The following BNIP2 variants were observed in gnomAD, a reference collection of about 807,000 sequenced individuals.
BNIP2 encodes BCL2/adenovirus E1B 19 kDa protein-interacting protein 2.
A neutral mutation model predicts 43.4 loss-of-function variants in BNIP2; 36 were observed. The ratio of observed to expected loss-of-function variants is 0.83; its 90% CI spans 0.64 to 1.10. The LOEUF (loss-of-function observed/expected upper bound fraction) is 1.10, where lower values mean the gene tolerates loss of function less well. Ranked by LOEUF, BNIP2 falls within the 50% of genes least tolerant of loss-of-function variation. The probability of loss-of-function intolerance (pLI) is 0.00; values close to 1 mark genes in which losing one functional copy is unlikely to be tolerated. For synonymous variants in BNIP2, 146 were observed against 121.0 expected, an observed-to-expected ratio of 1.21 and a Z score of -1.35; for missense variants, 417 against 374.1, an observed-to-expected ratio of 1.11 and a Z score of -0.95.
chr15:59,675,803 G>C (rs1390479822), intron 5 of BNIP2, among the ~76,000 whole-genome samples: 1 of 152,172 alleles, frequency 6.6e-6, no homozygotes, highest in Non-Finnish European at 1.5e-5. Flanking sequence ...ATGTACTGTG[G>C]ATACGTGCAA....
chr15:59,679,184 T>C (rs2142010352), intron 4 of BNIP2: 1 of 181,734 alleles, frequency 5.5e-6, no homozygotes, highest in South Asian at 9.9e-5. Flanking sequence ...GGGCTAAAAG[T>C]ATACATTAAT....
intron 5 of BNIP2, among the ~76,000 whole-genome samples, chr15:59,673,930 G>C (rs148904813): frequency 6.6e-6 from 1 of 151,682 alleles, no homozygotes; most frequent in Non-Finnish European, 1.5e-5. Flanking sequence ...CTCTACTAAA[G>C]ATATAAACAA....
intron 6 of BNIP2, among the ~76,000 whole-genome samples, 168 bp downstream of exon 6, chr15:59,672,469 G>T (rs151090751): frequency 4.4e-4 from 67 of 152,242 alleles, no homozygotes; most frequent in Non-Finnish European, 8.5e-4. Context: ...AAAGAGCTTT[G>T]TCATATCGCC....
At chr15:59,673,908 G>A (rs1468559571) in intron 5 of BNIP2, among the ~76,000 whole-genome samples, 1 of 151,910 alleles carries the variant, frequency 6.6e-6, no homozygotes, top group Non-Finnish European at 1.5e-5. Flanking sequence ...GGCCAACATG[G>A]CGAAACCCCA....
At chr15:59,688,310 C>T (rs937139848) in intron 1 of BNIP2, among the ~76,000 whole-genome samples, 1 of 151,976 alleles carries the variant, frequency 6.6e-6, no homozygotes, top group Non-Finnish European at 1.5e-5. Flanking sequence ...TGCAGAGATT[C>T]CTATAAAATG....
chr15:59,676,498 T>G (rs945988462), intron 5 of BNIP2, among the ~76,000 whole-genome samples: 10 of 152,174 alleles, frequency 6.6e-5, no homozygotes, highest in Non-Finnish European at 1.3e-4. Context: ...CTGACAGTTT[T>G]CACTACAAAT....
intron 1 of BNIP2, chr15:59,688,875 C>A: frequency 6.7e-7 from 1 of 1,489,482 alleles, no homozygotes; most frequent in Non-Finnish European, 8.9e-7. Flanking sequence ...AGCACAACTA[C>A]CAGAAACGGA....
rs138402905 is a variant in BNIP2 at position 59,674,794 on chromosome 15, CTTCT to C, written c.473-2059_473-2056del. 9.9e-4 allele frequency among the ~76,000 whole-genome samples: 150 copies of C among 152,270 alleles called. 1 individual carries two copies. Among genetic ancestry groups the C allele is most frequent in the African/African-American group, 3.4e-3 (140 of 41,538 alleles). On this transcript the variant is annotated intron_variant, in intron 5 of 9. Transcript: ENST00000607373. The stretch of plus-strand genomic sequence containing the variant: ...ACTATTTACAATGTGCCTAGGTTAA[CTTCT>C]ATATATGGTACTGTTAGATTGAAAG...
rs1468755667 is a variant in BNIP2 at position 59,660,537 on chromosome 15, T to C, written c.*3532A>G. The C allele has an allele frequency of 6.6e-6, 1 of 152,230 alleles. No homozygotes were observed. Among genetic ancestry groups the C allele is most frequent in the Non-Finnish European group, 1.5e-5 (1 of 68,040 alleles). The allele number at this position is 152,230 out of a possible 1,614,324, so 9.4% of individuals were successfully genotyped here. A position where few individuals can be genotyped will look rare whatever the true frequency, so the allele number is the denominator to read the frequency against. On this transcript the variant is annotated 3_prime_UTR_variant, in exon 10 of 10. Transcript: ENST00000607373. The stretch of plus-strand genomic sequence containing the variant: ...TTGAAGAAATATAAAAAGCCACTTC[T>C]GTATAAAACACATGTCCAAATTCCC...
At chr15:59,673,856 G>C (rs751888106) in intron 5 of BNIP2, among the ~76,000 whole-genome samples, 4 of 152,096 alleles carry the variant, frequency 2.6e-5, no homozygotes, top group Non-Finnish European at 4.4e-5. Context: ...GGGAGGCTGA[G>C]GTGGGCAGAT....
In BNIP2 at chr15:59,679,647, A is replaced by C. The variant is rs761300797; in HGVS notation, c.240T>G (p.Ile80Met). ...LSDDLDESGE[I>M]DLDGLDTPSE... ...ACGGTGTGTCTAAGCCATCTAAGTC[A>C]ATCTCCCCACTTTCATCCAAATCAT... Residue 80 changes from isoleucine to methionine, a missense_variant, in exon 4 of 10, where the codon ATT (isoleucine) becomes ATG (methionine). Coordinates refer to ENST00000607373, the MANE Select transcript of BNIP2 (RefSeq NM_004330.4). The C allele has an allele frequency of 2.1e-5, 34 of 1,613,136 alleles. No homozygotes were observed. In the South Asian group the frequency reaches 3.3e-4, roughly 16 times the overall value.
At chr15:59,689,051 C>T in intron 1 of BNIP2, 84 bp downstream of exon 1, 1 of 1,462,584 alleles carries the variant, frequency 6.8e-7, no homozygotes, top group Non-Finnish European at 9.0e-7. Context: ...GTCGTGGGCA[C>T]GCGCCCGACA....
chr15:59,672,784 TTA>T lies in BNIP2; in HGVS notation c.473-47_473-46del. ...CAGTATCACCAGCACGATTTTACTC[TTA>T]GGCATTTTTAGAAGACATCTGTATG... On this transcript the variant is annotated intron_variant, in intron 5 of 9. Coordinates refer to ENST00000607373, the MANE Select transcript of BNIP2 (RefSeq NM_004330.4). The T allele has an allele frequency of 2.1e-6, 3 of 1,402,812 alleles. No homozygotes were observed. The East Asian group carries it at 6.9e-5, about 32-fold the overall frequency. 86.9% of individuals were successfully genotyped at this position (1,402,812 alleles called of 1,614,324 possible).
chr15:59,675,272 A>G (rs2142003163), intron 5 of BNIP2, among the ~76,000 whole-genome samples: 1 of 149,932 alleles, frequency 6.7e-6, no homozygotes, highest in South Asian at 2.1e-4. Context: ...AGAAAAAAAA[A>G]TTTGTTCACG....
chr15:59,671,447 AT>A, intron 6 of BNIP2, 133 bp from the exon 7 acceptor site: 1 of 620,602 alleles, frequency 1.6e-6, no homozygotes, highest in Non-Finnish European at 2.5e-6. Context: ...CTCAAACCGC[AT>A]TAGCTAGTAT....
At chr15:59,668,292 C>T (rs1247084912) in intron 9 of BNIP2, among the ~76,000 whole-genome samples, 1 of 152,100 alleles carries the variant, frequency 6.6e-6, no homozygotes, top group Non-Finnish European at 1.5e-5. Context: ...CTTAATAAAT[C>T]TGACTTTCAT....
rs1362082325 is a variant in BNIP2 at position 59,678,055 on chromosome 15, T to C, written c.328A>G (p.Ile110Val). The change falls in exon 5 of 10, where the codon ATT becomes GTT. Residue 110 changes from isoleucine (I) to valine (V), a missense_variant. Ile to Val is a conservative substitution (Grantham distance 29, BLOSUM62 3). Coordinates refer to ENST00000607373, the MANE Select transcript of BNIP2 (RefSeq NM_004330.4). Reference sequence around the variant, plus strand: ...TATTCAGTAATTGAGCCTTTCCTAATTACTTCAGTAGTCTTGGGTTTTGGA... The same window carrying C: ...TATTCAGTAATTGAGCCTTTCCTAACTACTTCAGTAGTCTTGGGTTTTGGA... The part of the protein sequence containing the change: ...DLPKPKTTEV[I>V]RKGSITEYTA... 9 of 1,613,086 alleles carry C rather than the reference T, an allele frequency of 5.6e-6. No homozygotes were observed. The highest frequency in any genetic ancestry group is 1.3e-5 in the African/African-American group (1 of 74,902).
chr15:59,676,949 C>T (rs957250116), intron 5 of BNIP2: 2 of 1,612,320 alleles, frequency 1.2e-6, no homozygotes, highest in Middle Eastern at 1.6e-4. Context: ...CAGCATGATC[C>T]TCTCTGCTGC....
intron 1 of BNIP2, among the ~76,000 whole-genome samples, chr15:59,686,964 C>T (rs1156800857): frequency 6.6e-6 from 1 of 152,120 alleles, no homozygotes; most frequent in African/African-American, 2.4e-5. Context: ...TTGCAGTGAG[C>T]CGAGATTGCG....
Sources: gnomAD v4.1 joint callset for allele counts (sites outside exome capture counted in the v4.1 genomes callset) on GRCh38, gnomAD v4.1.1 for gene constraint, MANE v1.5 for transcripts, NCBI Gene and HGNC (gene_info 2026-07-23, HGNC 2026-07-21) for gene names.